Variants in FMN1 observed in about 807,000 individuals in gnomAD.
The protein encoded by FMN1 is formin-1.
A neutral mutation model predicts 132.4 loss-of-function variants in FMN1; 110 were observed. The observed-to-expected ratio is 0.83, with a 90% CI of 0.71 to 0.97. The LOEUF (loss-of-function observed/expected upper bound fraction) is 0.97, where lower values mean the gene tolerates loss of function less well. FMN1 is among the 50% of genes least tolerant of loss of function. The pLI, the probability that FMN1 is intolerant of heterozygous loss-of-function variation, is 0.00. For synonymous variants in FMN1, 722 were observed against 651.7 expected (o/e 1.11, Z -1.64); for missense variants, 1,792 against 1,705.3 (o/e 1.05, Z -0.90).
intron 4 of FMN1, among the ~76,000 whole-genome samples, chr15:33,118,489 A>C (rs988568853): frequency 1.1e-4 from 16 of 152,316 alleles, no homozygotes; most frequent in Non-Finnish European, 2.2e-4. Flanking sequence ...TTAATGCTGA[A>C]ATTAATTACC....
At chr15:33,072,351 T>C (rs61999990) in intron 5 of FMN1, among the ~76,000 whole-genome samples, 5,660 of 152,260 alleles carry the variant, frequency 0.037, 148 homozygotes, top group Non-Finnish European at 0.057. Context: ...CCTGTGGGAC[T>C]TGGGTATGAG....
At chr15:32,793,800 AAAG>A (rs2057176631) in intron 19 of FMN1, among the ~76,000 whole-genome samples, 1 of 152,210 alleles carries the variant, frequency 6.6e-6, no homozygotes, top group Non-Finnish European at 1.5e-5. Flanking sequence ...AGGGCAAGGA[AAAG>A]AAAGTTAACA....
chr15:32,842,457 G>A (rs931852076), intron 17 of FMN1, among the ~76,000 whole-genome samples: 1 of 152,202 alleles, frequency 6.6e-6, no homozygotes, highest in African/African-American at 2.4e-5. Flanking sequence ...CATTGTTGTA[G>A]CCTACTAAGT....
chr15:33,164,911 A>C (rs376919245), intron 3 of FMN1, among the ~76,000 whole-genome samples: 4 of 152,184 alleles, frequency 2.6e-5, no homozygotes, highest in Admixed American at 2.6e-4. Context: ...CACCTCAAAC[A>C]TTTATCATTT....
intron 10 of FMN1, among the ~76,000 whole-genome samples, chr15:32,920,850 C>G (rs1489329668): frequency 6.6e-6 from 1 of 152,218 alleles, no homozygotes; most frequent in African/African-American, 2.4e-5. Context: ...GGTCTCTTCT[C>G]TACATTTCTA....
At chr15:32,994,077 T>A (rs189535575) in intron 7 of FMN1, among the ~76,000 whole-genome samples, 13 of 152,198 alleles carry the variant, frequency 8.5e-5, no homozygotes, top group Admixed American at 6.5e-5. Flanking sequence ...CGCACTGTTT[T>A]CAACCCATAG....
intron 10 of FMN1, among the ~76,000 whole-genome samples, chr15:32,910,866 T>C (rs2141666549): frequency 6.6e-6 from 1 of 152,348 alleles, no homozygotes; most frequent in Admixed American, 6.5e-5. Flanking sequence ...TAAATCTTTC[T>C]TCCCGATGGT....
At chr15:32,783,165 T>A (rs984723330) in intron 19 of FMN1, among the ~76,000 whole-genome samples, 1 of 151,648 alleles carries the variant, frequency 6.6e-6, no homozygotes, top group African/African-American at 2.4e-5. Context: ...CAAAAAAAAA[T>A]AAAGGTTATA....
At chr15:32,847,724 G>A (rs976548872) in intron 17 of FMN1, among the ~76,000 whole-genome samples, 3 of 152,082 alleles carry the variant, frequency 2.0e-5, no homozygotes, top group East Asian at 1.9e-4. Flanking sequence ...GCGTAGTGGC[G>A]GGCACCTGTA....
chr15:32,931,430 C>T (rs939493090), intron 9 of FMN1, among the ~76,000 whole-genome samples: 3 of 152,054 alleles, frequency 2.0e-5, no homozygotes, highest in Non-Finnish European at 4.4e-5. Context: ...CAGTTTATTC[C>T]TAAGTATTTC....
chr15:33,005,293 ACAT>A (rs2034355598), intron 7 of FMN1, among the ~76,000 whole-genome samples: 1 of 152,178 alleles, frequency 6.6e-6, no homozygotes, highest in Non-Finnish European at 1.5e-5. Flanking sequence ...AATTAGGTAA[ACAT>A]CATAAATGTG....
Position 33,124,895 on chromosome 15 carries a change from T to A in FMN1, c.1867+28153A>T, listed in dbSNP as rs115435992. ...GGGAAACAAATCATAGAGCCTTGTT[T>A]GGCACAAGGGCAAATGTTAAAGATA... On this transcript the variant is annotated intron_variant, in intron 4 of 20. Transcript: ENST00000616417. Among the ~76,000 whole-genome samples the A allele has an allele frequency of 4.1e-3, 629 of 152,142 alleles. 6 individuals carry two copies. Among genetic ancestry groups the A allele is most frequent in the African/African-American group, 0.014 (578 of 41,502 alleles).
At chr15:33,023,145 A>G (rs2035502855) in intron 6 of FMN1, among the ~76,000 whole-genome samples, 1 of 150,630 alleles carries the variant, frequency 6.6e-6, no homozygotes, top group East Asian at 1.9e-4. Flanking sequence ...CAACATTCAC[A>G]TACCACCTCA....
chr15:32,815,476 T>TA (rs2058030889), intron 17 of FMN1, among the ~76,000 whole-genome samples: 1 of 152,186 alleles, frequency 6.6e-6, no homozygotes, highest in African/African-American at 2.4e-5. Flanking sequence ...TCTTCAGACT[T>TA]TAACTTGTCC....
intron 7 of FMN1, among the ~76,000 whole-genome samples, chr15:32,970,064 C>G (rs915955251): frequency 2.0e-5 from 3 of 152,090 alleles, no homozygotes; most frequent in Admixed American, 2.0e-4. Flanking sequence ...CATAATATAG[C>G]AATAAATAAG....
chr15:33,115,405 G>A (rs976588329), intron 4 of FMN1, among the ~76,000 whole-genome samples: 1 of 152,100 alleles, frequency 6.6e-6, no homozygotes, highest in Non-Finnish European at 1.5e-5. Context: ...GGACTGGTAT[G>A]TGGGTTGCTT....
chr15:33,190,909 G>A (rs181269433), intron 2 of FMN1, among the ~76,000 whole-genome samples: 54 of 152,174 alleles, frequency 3.5e-4, no homozygotes, highest in Middle Eastern at 3.4e-3. Flanking sequence ...GGTAACTCAC[G>A]CCTGTAATCC....
intron 5 of FMN1, among the ~76,000 whole-genome samples, chr15:33,069,447 G>A (rs1374952407): frequency 1.3e-5 from 2 of 152,178 alleles, no homozygotes; most frequent in Admixed American, 6.5e-5. Context: ...AAAGGTCCAA[G>A]AAGATTGTGG....
chr15:33,139,355 G>T (rs12901484), intron 4 of FMN1, among the ~76,000 whole-genome samples: 5 of 151,992 alleles, frequency 3.3e-5, no homozygotes, highest in South Asian at 2.1e-4. Flanking sequence ...TCAGCACTTT[G>T]GGAGGCCGAG....
Sources: allele counts gnomAD v4.1 joint callset (sites outside exome capture counted in the v4.1 genomes callset), GRCh38; gene constraint gnomAD v4.1.1; transcripts MANE v1.5; gene names NCBI Gene and HGNC (gene_info 2026-07-23, HGNC 2026-07-21).